Variants in MACROD2 observed in about 807,000 individuals in gnomAD.
MACROD2 encodes the protein mono-ADP ribosylhydrolase 2, also known as ADP-ribose glycohydrolase MACROD2.
Under a neutral mutation model 70.4 loss-of-function variants are expected in MACROD2, and 36 were observed. That is an observed-to-expected ratio of 0.51 (90% CI 0.39 to 0.68). The LOEUF (loss-of-function observed/expected upper bound fraction) is 0.68, where lower values mean the gene tolerates loss of function less well. Among genes scored for constraint, MACROD2 ranks in the 30% least tolerant of loss-of-function variants. MACROD2 has a pLI of 0.00. For missense variants in MACROD2, 496 were observed against 538.4 expected (o/e 0.92, Z 0.78); for synonymous variants, 172 against 178.8 (o/e 0.96, Z 0.30).
chr20:14,346,429 G>C (rs1229840922), intron 3 of MACROD2, among the ~76,000 whole-genome samples: 3 of 151,982 alleles, frequency 2.0e-5, no homozygotes, highest in Non-Finnish European at 2.9e-5. Flanking sequence ...GCTTAAGGAA[G>C]AGCCCCTGAA....
At chr20:14,029,584 A>G (rs1025998871) in intron 2 of MACROD2, among the ~76,000 whole-genome samples, 7 of 152,192 alleles carry the variant, frequency 4.6e-5, no homozygotes, top group African/African-American at 1.2e-4. Flanking sequence ...TTTTAGAACA[A>G]TATAAGAAAA....
intron 8 of MACROD2, among the ~76,000 whole-genome samples, chr20:15,782,817 T>C (rs1047335128): frequency 6.6e-6 from 1 of 151,526 alleles, no homozygotes; most frequent in East Asian, 1.9e-4. Flanking sequence ...TTAAACAGCA[T>C]TCTTCATTTA....
chr20:15,626,923 G>T (rs1416927793), intron 8 of MACROD2, among the ~76,000 whole-genome samples: 1 of 151,974 alleles, frequency 6.6e-6, no homozygotes, highest in African/African-American at 2.4e-5. Context: ...TCACAAAGGA[G>T]ATTTAGATTT....
intron 4 of MACROD2, among the ~76,000 whole-genome samples, chr20:14,664,797 C>T (rs965307365): frequency 6.6e-6 from 1 of 151,706 alleles, no homozygotes; most frequent in Non-Finnish European, 1.5e-5. Flanking sequence ...AAGAAAAAAA[C>T]TTTTCATGTT....
At chr20:15,015,215 T>A (rs1006742176) in intron 5 of MACROD2, among the ~76,000 whole-genome samples, 2 of 152,124 alleles carry the variant, frequency 1.3e-5, no homozygotes, top group Non-Finnish European at 2.9e-5. Context: ...CTAGTTTTTT[T>A]GTTTTATTTA....
chr20:14,160,393 C>G (rs954464481), intron 3 of MACROD2, among the ~76,000 whole-genome samples: 1 of 152,164 alleles, frequency 6.6e-6, no homozygotes. Flanking sequence ...CTGACTCAAT[C>G]TCATTATCTG....
intron 8 of MACROD2, among the ~76,000 whole-genome samples, chr20:15,564,176 G>A (rs1271563773): frequency 6.6e-6 from 1 of 152,160 alleles, no homozygotes; most frequent in Non-Finnish European, 1.5e-5. Flanking sequence ...TGAAAGTGAA[G>A]ATAACTGGGG....
intron 10 of MACROD2, among the ~76,000 whole-genome samples, chr20:15,916,910 T>G (rs1037151444): frequency 1.3e-5 from 2 of 152,244 alleles, no homozygotes; most frequent in East Asian, 3.9e-4. Flanking sequence ...CAGGGGTCAG[T>G]ACACTTCTGT....
intron 8 of MACROD2, among the ~76,000 whole-genome samples, chr20:15,770,952 A>G (rs184753095): frequency 6.6e-6 from 1 of 152,264 alleles, no homozygotes; most frequent in East Asian, 1.9e-4. Flanking sequence ...TCAAACTCCA[A>G]ATCAATGAGG....
rs150210305 is a variant in MACROD2, at chr20:15,191,931, T to TATATAGAGAG, written c.419-38008_419-38007insTATAGAGAGA. The stretch of plus-strand genomic sequence containing the variant: ...ACACATATGTGTATATATATATATA[T>TATATAGAGAG]AGAGAGAGAGAGAGTTAATACATAT... On this transcript the variant is annotated intron_variant, in intron 5 of 17. Transcript: ENST00000684519. Among the ~76,000 whole-genome samples the TATATAGAGAG allele has an allele frequency of 6.9e-3, 988 of 142,362 alleles. 12 individuals are homozygous for TATATAGAGAG. The highest frequency in any genetic ancestry group is 0.011 in the African/African-American group (417 of 38,240). 93.4% of individuals were successfully genotyped at this position (142,362 alleles called of 152,430 possible).
intron 8 of MACROD2, among the ~76,000 whole-genome samples, chr20:15,623,679 C>CCTGCCTAT (rs1555850038): frequency 2.7e-5 from 4 of 148,140 alleles, no homozygotes; most frequent in African/African-American, 1.0e-4. Flanking sequence ...AAGTTATCTG[C>CCTGCCTAT]CTATCTATCT....
chr20:15,445,587 AACCCAGGGG>A (rs759932065), intron 7 of MACROD2, among the ~76,000 whole-genome samples: 4 of 152,100 alleles, frequency 2.6e-5, no homozygotes, highest in Non-Finnish European at 4.4e-5. Flanking sequence ...GCTTCCTTCC[AACCCAGGGG>A]ACCCAGGGGA....
chr20:15,234,985 T>C (rs2077001225), intron 6 of MACROD2, among the ~76,000 whole-genome samples: 1 of 152,196 alleles, frequency 6.6e-6, no homozygotes. Flanking sequence ...ATCATGTTCA[T>C]TTTTAAAAAA....
intron 3 of MACROD2, among the ~76,000 whole-genome samples, chr20:14,214,484 C>T (rs1055249859): frequency 3.9e-5 from 6 of 151,906 alleles, no homozygotes; most frequent in African/African-American, 1.5e-4. Context: ...TTTTCTCTGC[C>T]TAAACTCTTT....
At chr20:14,512,945 G>A (rs2085047022) in intron 4 of MACROD2, among the ~76,000 whole-genome samples, 1 of 152,066 alleles carries the variant, frequency 6.6e-6, no homozygotes, top group South Asian at 2.1e-4. Flanking sequence ...ATTTCACCTA[G>A]GGTCTGATCG....
chr20:14,065,132 C>T (rs1207736277), intron 2 of MACROD2, among the ~76,000 whole-genome samples: 5 of 152,156 alleles, frequency 3.3e-5, no homozygotes, highest in Non-Finnish European at 7.3e-5. Context: ...TCCTGTGGGT[C>T]CTACCAAGGC....
At chr20:14,510,019 G>T (rs918352822) in intron 4 of MACROD2, among the ~76,000 whole-genome samples, 35 of 151,978 alleles carry the variant, frequency 2.3e-4, no homozygotes, top group Non-Finnish European at 5.0e-4. Flanking sequence ...GCAAAACATA[G>T]TTAAAATATT....
At chr20:15,386,637 A>G (rs968492076) in intron 6 of MACROD2, among the ~76,000 whole-genome samples, 3 of 152,202 alleles carry the variant, frequency 2.0e-5, no homozygotes, top group Non-Finnish European at 4.4e-5. Flanking sequence ...TTACATTATA[A>G]TATCAGACCC....
chr20:15,077,525 A>G (rs2075667418), intron 5 of MACROD2, among the ~76,000 whole-genome samples: 1 of 152,188 alleles, frequency 6.6e-6, no homozygotes, highest in Non-Finnish European at 1.5e-5. Context: ...AGTGTGGTAA[A>G]TCATTTTTCT....
Sources: allele counts gnomAD v4.1 joint callset (sites outside exome capture counted in the v4.1 genomes callset), GRCh38; gene constraint gnomAD v4.1.1; transcripts MANE v1.5; gene names NCBI Gene and HGNC (gene_info 2026-07-23, HGNC 2026-07-21).